MLF1: variants seen among roughly 807,000 people sequenced by gnomAD.
The protein encoded by MLF1 is myeloid leukemia factor 1.
In MLF1, 37 loss-of-function variants were observed where a neutral mutation model predicts 38.3. That is an observed-to-expected ratio of 0.96 (90% CI 0.74 to 1.27). The LOEUF (loss-of-function observed/expected upper bound fraction) is 1.27, where lower values mean the gene tolerates loss of function less well. Ranked by LOEUF, MLF1 falls within the 50% of genes most tolerant of loss-of-function variation. The pLI, the probability that MLF1 is intolerant of heterozygous loss-of-function variation, is 0.00. For synonymous variants in MLF1, 95 were observed against 106.5 expected (o/e 0.89, Z 0.66); for missense variants, 331 against 349.2 (o/e 0.95, Z 0.42).
At chr3:158,582,306 A>G (rs1716514030) in intron 1 of MLF1, among the ~76,000 whole-genome samples, 1 of 136,444 alleles carries the variant, frequency 7.3e-6, no homozygotes, top group African/African-American at 2.6e-5. Context: ...TCAAAGAGAA[A>G]AAAGACTGGA....
chr3:158,603,087 A>G, intron 7 of MLF1, 148 bp downstream of exon 7: 1 of 679,926 alleles, frequency 1.5e-6, no homozygotes, highest in Non-Finnish European at 2.4e-6. Context: ...TTTATATGAA[A>G]GCTGATTATT....
At chr3:158,591,556 G>A (rs1467049584) in intron 1 of MLF1, among the ~76,000 whole-genome samples, 1 of 152,112 alleles carries the variant, frequency 6.6e-6, no homozygotes. Flanking sequence ...TAACTGAAGT[G>A]GAGAATCTGA....
chr3:158,576,617 C>G (rs1715470164), intron 1 of MLF1, among the ~76,000 whole-genome samples: 1 of 151,936 alleles, frequency 6.6e-6, no homozygotes, highest in African/African-American at 2.4e-5. Flanking sequence ...TTACCACTTA[C>G]CAGCTATTGG....
intron 1 of MLF1, among the ~76,000 whole-genome samples, chr3:158,583,711 T>C (rs1716776732): frequency 6.6e-6 from 1 of 152,202 alleles, no homozygotes; most frequent in African/African-American, 2.4e-5. Context: ...TTTATTCATT[T>C]CCTGACATTC....
At chr3:158,589,234 C>T (rs1379393066) in intron 1 of MLF1, among the ~76,000 whole-genome samples, 1 of 151,720 alleles carries the variant, frequency 6.6e-6, no homozygotes, top group African/African-American at 2.4e-5. Flanking sequence ...TATTTTGAGA[C>T]GGAGTCTCAC....
At chr3:158,572,662 T>G (rs1576633149) in intron 1 of MLF1, among the ~76,000 whole-genome samples, 3 of 53,440 alleles carry the variant, frequency 5.6e-5, no homozygotes, top group Admixed American at 4.5e-4. Flanking sequence ...GGGCGTGAGG[T>G]GGAGGGAGGA....
intron 7 of MLF1, 58 bp downstream of exon 7, chr3:158,602,997 G>A: frequency 1.4e-6 from 2 of 1,474,418 alleles, no homozygotes; most frequent in Non-Finnish European, 1.9e-6. Context: ...GTAAAGTTAT[G>A]TAATTTACTT....
rs1321591769 is a variant in MLF1, at chr3:158,605,882, T to A, written c.*680T>A. ...TATTACATTCTTAATATTCACCAGA[T>A]ATTATATTGACCATTCTCTTTAACT... On this transcript the variant is annotated 3_prime_UTR_variant, in exon 8 of 8. Coordinates refer to ENST00000466246, the MANE Select transcript of MLF1 (RefSeq NM_001369783.1). 7 of 180,814 alleles carry A rather than the reference T, an allele frequency of 3.9e-5. No individual in the cohort carries two copies. Among genetic ancestry groups the A allele is most frequent in the Non-Finnish European group, 8.3e-5 (7 of 84,644 alleles). 11.2% of individuals were successfully genotyped at this position (180,814 alleles called of 1,614,324 possible). A position where few individuals can be genotyped will look rare whatever the true frequency, so the allele number is the denominator to read the frequency against.
intron 1 of MLF1, among the ~76,000 whole-genome samples, chr3:158,579,844 C>A (rs2731120): frequency 0.34 from 52,263 of 151,948 alleles, 9,574 homozygotes; most frequent in East Asian, 0.66. Flanking sequence ...TAGGAACAAG[C>A]ATTTTAGTCT....
intron 4 of MLF1, among the ~76,000 whole-genome samples, chr3:158,597,779 C>T (rs1719102594): frequency 6.6e-6 from 1 of 152,046 alleles, no homozygotes; most frequent in Non-Finnish European, 1.5e-5. Context: ...AAATCTAAGC[C>T]ACGAGCACCC....
At chr3:158,597,808 GAGTGAGTCACTTATT>G (rs942183222) in intron 4 of MLF1, among the ~76,000 whole-genome samples, 1 of 152,114 alleles carries the variant, frequency 6.6e-6, no homozygotes, top group African/African-American at 2.4e-5. Flanking sequence ...AAGGATCTCT[GAGTGAGTCACTTATT>G]AGTCTTTGTA....
chr3:158,600,228 T>G, intron 6 of MLF1, 55 bp downstream of exon 6: 15,610 of 765,226 alleles, frequency 0.02, 17 homozygotes, highest in Non-Finnish European at 0.026. Context: ...ATAACAGCCG[T>G]ACTTGATGAA....
intron 1 of MLF1, among the ~76,000 whole-genome samples, chr3:158,578,972 C>G (rs1715902918): frequency 6.6e-6 from 1 of 152,072 alleles, no homozygotes; most frequent in Admixed American, 6.6e-5. Flanking sequence ...GAACGTTTTC[C>G]TGGTCTTTAG....
Position 158,598,092 on chromosome 3 carries a change from G to A in MLF1, c.337G>A (p.Val113Met), listed in dbSNP as rs754884755. The A allele has an allele frequency of 4.9e-5, 79 of 1,612,806 alleles. No individual in the cohort carries two copies. The highest frequency in any genetic ancestry group is 6.4e-5 in the Non-Finnish European group (76 of 1,179,666). Reference protein sequence around the residue: ...KLERNFGQLSVDPNGHSFCSS... With the variant: ...KLERNFGQLSMDPNGHSFCSS... Reference sequence around the variant, plus strand: ...TGTTTACCTGTAGGGTCAACTTTCAGTGGATCCAAATGGACATTCATTTTG... The same window carrying A: ...TGTTTACCTGTAGGGTCAACTTTCAATGGATCCAAATGGACATTCATTTTG... Residue 113 changes from valine to methionine, a missense_variant, in exon 5 of 8, where the codon GTG becomes ATG. By Grantham distance (21) the Val-to-Met change is conservative. Coordinates refer to ENST00000466246, the MANE Select transcript of MLF1 (RefSeq NM_001369783.1).
chr3:158,582,691 T>C (rs1716586288), intron 1 of MLF1: 3 of 473,690 alleles, frequency 6.3e-6, no homozygotes, highest in Non-Finnish European at 1.1e-5. Context: ...GCATGAAATA[T>C]ATAAAGTGTT....
intron 1 of MLF1, among the ~76,000 whole-genome samples, chr3:158,581,388 C>T (rs1716329676): frequency 1.3e-5 from 2 of 152,186 alleles, no homozygotes; most frequent in African/African-American, 4.8e-5. Context: ...CTTAGCAAGG[C>T]CTGCAGTCAA....
chr3:158,604,983 A>AT (rs1400447339), intron 7 of MLF1, 114 bp from the exon 8 acceptor site: 20 of 807,156 alleles, frequency 2.5e-5, no homozygotes, highest in Admixed American at 8.6e-5. Flanking sequence ...CCATTAAGGA[A>AT]TTTTTAAGAT....
chr3:158,571,332 A>G lies in MLF1; in HGVS notation c.32A>G (p.Asp11Gly), dbSNP rs111765288. 7.4e-6 allele frequency: 12 copies of G among 1,613,128 alleles called. No homozygotes were observed. The highest frequency in any genetic ancestry group is 2.7e-5 in the African/African-American group (2 of 75,010). Residue 11 changes from aspartate (D) to glycine (G), a missense_variant, in exon 1 of 8, where the codon GAT (aspartate) becomes GGT (glycine). By Grantham distance (94) the Asp-to-Gly change is moderately conservative. Transcript: ENST00000466246. ...AGGATGCTGAACAGCAGTTTTGAGG[A>G]TGACCCCTTCTTCTCGTGAGTTACG... MFRMLNSSFE[D>G]DPFFSESILA...
rs572693407 is a variant in MLF1, at chr3:158,590,378, TA to T, written c.48-2052del. ...CTGGAACTCTCAGTTACAGTTTTCA[TA>T]AAATTTACATACTCTTCTAATACAA... On this transcript the variant is annotated intron_variant, in intron 1 of 7. Coordinates refer to ENST00000466246, the MANE Select transcript of MLF1 (RefSeq NM_001369783.1). Among the ~76,000 whole-genome samples the T allele has an allele frequency of 4.0e-3, 610 of 152,340 alleles. 4 individuals are homozygous for T. The highest frequency in any genetic ancestry group is 0.014 in the African/African-American group (567 of 41,578).
Sources: allele counts gnomAD v4.1 joint callset (sites outside exome capture counted in the v4.1 genomes callset), GRCh38; gene constraint gnomAD v4.1.1; transcripts MANE v1.5; gene names NCBI Gene and HGNC (gene_info 2026-07-23, HGNC 2026-07-21).